The following PCDHGA8 variants were observed in gnomAD, a reference collection of about 807,000 sequenced individuals.
PCDHGA8 encodes protocadherin gamma subfamily A, 8, also known as protocadherin gamma-A8.
In PCDHGA8, 45 loss-of-function variants were observed where a neutral mutation model predicts 59.2. The ratio of observed to expected loss-of-function variants is 0.76; its 90% CI spans 0.60 to 0.98. The LOEUF is 0.98. Among genes scored for constraint, PCDHGA8 ranks in the 50% least tolerant of loss-of-function variants. The probability of loss-of-function intolerance (pLI) is 0.00; values close to 1 mark genes in which losing one functional copy is unlikely to be tolerated. For missense variants in PCDHGA8, 1,257 were observed against 1,196.2 expected (o/e 1.05, Z -0.75); for synonymous variants, 531 against 519.0 (o/e 1.02, Z -0.32).
chr5:141,463,615 A>G (rs1336539466), intron 1 of PCDHGA8, among the ~76,000 whole-genome samples: 1 of 151,408 alleles, frequency 6.6e-6, no homozygotes, highest in Admixed American at 6.6e-5. Context: ...TGCCCGGCTA[A>G]TTTTTTGTAT....
chr5:141,432,362 C>T lies in PCDHGA8; in HGVS notation c.2424+37125C>T. On this transcript the variant is annotated intron_variant, in intron 1 of 3. Transcript: ENST00000398604. The surrounding 1 kb of genome is among the most constrained non-coding windows in gnomAD (Gnocchi z 6.0). ...AGACTTGCAAGTGAAAGTGATGGCG[C>T]GGGACAACGGGCACCCGCCCCTCAG... 2 of 1,614,218 alleles carry T rather than the reference C, an allele frequency of 1.2e-6. No homozygotes were observed. Among genetic ancestry groups the T allele is most frequent in the South Asian group, 2.2e-5 (2 of 91,082 alleles).
intron 1 of PCDHGA8, among the ~76,000 whole-genome samples, chr5:141,494,135 GTCAC>G (rs1365926534): frequency 3.3e-5 from 5 of 152,202 alleles, no homozygotes; most frequent in Admixed American, 6.5e-5. Flanking sequence ...CTTCTCCTTA[GTCAC>G]AGACCATTGT....
In PCDHGA8 at chr5:141,491,225, T is replaced by G. The variant is rs764111440; in HGVS notation, c.2425-3582T>G. The stretch of plus-strand genomic sequence containing the variant: ...CCTTCACTCTCCTCCACAGCCACAG[T>G]GCTGCTGGTTCTGGAGGATGAGGAC... On this transcript the variant is annotated intron_variant, in intron 1 of 3. Transcript: ENST00000398604. This position sits in a 1 kb window ranked among gnomAD's most constrained non-coding sequence, Gnocchi z 6.9. 6.2e-7 allele frequency: 1 copy of G among 1,614,232 alleles called. No individual in the cohort carries two copies. Among genetic ancestry groups the G allele is most frequent in the Non-Finnish European group, 8.5e-7 (1 of 1,180,028 alleles).
At chr5:141,403,075 G>A (rs1188549930) in intron 1 of PCDHGA8, 5 of 1,613,968 alleles carry the variant, frequency 3.1e-6, no homozygotes, top group Non-Finnish European at 4.2e-6. Flanking sequence ...AGACAGAAAA[G>A]GGCTATATTG....
At chr5:141,428,122 G>T in intron 1 of PCDHGA8, 1 of 1,606,172 alleles carries the variant, frequency 6.2e-7, no homozygotes, top group Non-Finnish European at 8.5e-7. Flanking sequence ...ATCGAGCCCG[G>T]GCTTTTCAGC....
At chr5:141,415,129 G>C in intron 1 of PCDHGA8, 1 of 1,613,656 alleles carries the variant, frequency 6.2e-7, no homozygotes, top group African/African-American at 1.3e-5. Flanking sequence ...GGCCGTCCAG[G>C]ACCACGGCCA....
chr5:141,406,183 C>T (rs1048428263), intron 1 of PCDHGA8, among the ~76,000 whole-genome samples: 5 of 151,756 alleles, frequency 3.3e-5, no homozygotes, highest in Admixed American at 6.6e-5. Flanking sequence ...TGCAATCCTC[C>T]CACCTCAGCC....
intron 1 of PCDHGA8, chr5:141,426,713 AC>A: frequency 2.2e-6 from 1 of 445,196 alleles, no homozygotes; most frequent in Middle Eastern, 3.3e-4. Flanking sequence ...AAATCAATGA[AC>A]TAGCAATTCC....
chr5:141,411,806 C>G (rs1276116820), intron 1 of PCDHGA8: 1 of 151,860 alleles, frequency 6.6e-6, no homozygotes, highest in Non-Finnish European at 1.5e-5. Flanking sequence ...CGCTTGAGCC[C>G]AGGAAGTCTA....
In PCDHGA8 at chr5:141,393,922, G is replaced by C. The variant is rs750880965; in HGVS notation, c.1109G>C (p.Ser370Thr). The change falls in exon 1 of 4, where the codon AGT becomes ACT. Residue 370 changes from serine (S) to threonine (T), a missense_variant. Transcript: ENST00000398604. ...SLPGTVIAFL[S>T]VHDQDSGKNG... The stretch of plus-strand genomic sequence containing the variant: ...CCCGGGACAGTAATTGCCTTCTTGA[G>C]TGTGCATGACCAAGACTCTGGAAAG... 9.9e-6 allele frequency: 16 copies of C among 1,613,832 alleles called. No individual in the cohort carries two copies. The highest frequency in any genetic ancestry group is 1.6e-4 in the Middle Eastern group (1 of 6,084).
At chr5:141,399,362 C>G (rs182743080) in intron 1 of PCDHGA8, 1 of 1,613,872 alleles carries the variant, frequency 6.2e-7, no homozygotes, top group Non-Finnish European at 8.5e-7. Context: ...GAGCAAACCC[C>G]GGAGTACAAT....
At chr5:141,403,430 C>A in intron 1 of PCDHGA8, 1 of 1,614,022 alleles carries the variant, frequency 6.2e-7, no homozygotes, top group Non-Finnish European at 8.5e-7. Flanking sequence ...AGCTATTGAT[C>A]CGGATGTTGG....
rs374253072 is a variant in PCDHGA8, at chr5:141,476,894, G to A, written c.2425-17913G>A. ...GCGCGTCCTGGAGGATGCACCCTCCGGCACGCGCGTGGTACAAGTCCTTGC... is the reference window on the plus strand; with the variant it reads ...GCGCGTCCTGGAGGATGCACCCTCCAGCACGCGCGTGGTACAAGTCCTTGC... On this transcript the variant is annotated intron_variant, in intron 1 of 3. Transcript: ENST00000398604. The surrounding 1 kb of genome is among the most constrained non-coding windows in gnomAD (Gnocchi z 7.6). 48 of 1,613,834 alleles carry A rather than the reference G, an allele frequency of 3.0e-5. No homozygotes were observed. In the African/African-American group the frequency reaches 5.6e-4, roughly 19 times the overall value.
intron 3 of PCDHGA8, among the ~76,000 whole-genome samples, chr5:141,506,320 G>A (rs1054880362): frequency 8.6e-5 from 13 of 151,966 alleles, no homozygotes; most frequent in South Asian, 8.3e-4. Flanking sequence ...ATGGTGGTGC[G>A]TGCCTGTAGT....
At chr5:141,417,646 C>A in intron 1 of PCDHGA8, 2 of 797,870 alleles carry the variant, frequency 2.5e-6, no homozygotes, top group Non-Finnish European at 3.8e-6. Context: ...GATCCCTCAG[C>A]CTCTAGCCTG....
chr5:141,462,198 G>C (rs2099034283), intron 1 of PCDHGA8, among the ~76,000 whole-genome samples: 1 of 152,182 alleles, frequency 6.6e-6, no homozygotes, highest in Non-Finnish European at 1.5e-5. Context: ...GACCTCAGGT[G>C]ATCCGCCTGC....
At chr5:141,494,326 G>C (rs2154591458) in intron 1 of PCDHGA8, among the ~76,000 whole-genome samples, 1 of 152,312 alleles carries the variant, frequency 6.6e-6, no homozygotes, top group Middle Eastern at 3.4e-3. Context: ...GGCACCAAAA[G>C]GGTTACCAAG....
intron 1 of PCDHGA8, among the ~76,000 whole-genome samples, chr5:141,433,989 T>C (rs898601470): frequency 6.6e-6 from 1 of 152,248 alleles, no homozygotes; most frequent in Non-Finnish European, 1.5e-5. Context: ...AGAAGAGTTT[T>C]ATATTCTCTA....
Position 141,394,654 on chromosome 5 carries a change from C to G in PCDHGA8, c.1841C>G (p.Pro614Arg), listed in dbSNP as rs372355655. Residue 614 changes from proline to arginine, a missense_variant, in exon 1 of 4, where the codon CCG (proline) becomes CGG (arginine). By Grantham distance (103) the Pro-to-Arg change is moderately radical. Transcript: ENST00000398604. Reference sequence around the variant, plus strand: ...TACCGCCTGCTCAAGGCCAGCGAGCCGGGACTCTTCTCGGTGGGTCTGCAC... The same window carrying G: ...TACCGCCTGCTCAAGGCCAGCGAGCGGGGACTCTTCTCGGTGGGTCTGCAC... The part of the protein sequence containing the change: ...LSYRLLKASE[P>R]GLFSVGLHTG... 47 of 1,613,236 alleles carry G rather than the reference C, an allele frequency of 2.9e-5. No homozygotes were observed. The African/African-American group carries it at 5.7e-4, about 20-fold the overall frequency.
Sources: gnomAD v4.1 joint callset for allele counts (sites outside exome capture counted in the v4.1 genomes callset) on GRCh38, gnomAD v4.1.1 for gene constraint, Gnocchi (gnomAD v3.1) non-coding constraint, MANE v1.5 for transcripts, NCBI Gene and HGNC (gene_info 2026-07-23, HGNC 2026-07-21) for gene names.